The following INTS7 variants were observed in gnomAD, a reference collection of about 807,000 sequenced individuals.
The protein encoded by INTS7 is integrator complex subunit 7, also known as chromosome 1 open reading frame 73.
A neutral mutation model predicts 109.2 loss-of-function variants in INTS7; 46 were observed. The observed-to-expected ratio is 0.42, with a 90% CI of 0.33 to 0.54. The LOEUF (loss-of-function observed/expected upper bound fraction) is 0.54, where lower values mean the gene tolerates loss of function less well. INTS7 is among the 20% of genes least tolerant of loss of function. The pLI is 0.07. For missense variants in INTS7, 929 were observed against 1,132.4 expected, an observed-to-expected ratio of 0.82 and a Z score of 2.58; for synonymous variants, 412 against 402.9, an observed-to-expected ratio of 1.02 and a Z score of -0.27.
At chr1:211,991,981 A>G (rs1216654037) in intron 7 of INTS7, among the ~76,000 whole-genome samples, 1 of 152,274 alleles carries the variant, frequency 6.6e-6, no homozygotes, top group Admixed American at 6.5e-5. Flanking sequence ...AGTGTATGAA[A>G]GAAAGAGCAG....
In INTS7 at chr1:211,978,452, T is replaced by A. The variant is rs776043915; in HGVS notation, c.1290A>T (p.Val430=). 1 of 1,614,234 alleles carries A rather than the reference T, an allele frequency of 6.2e-7. No individual in the cohort carries two copies. Among genetic ancestry groups the A allele is most frequent in the Non-Finnish European group, 8.5e-7 (1 of 1,180,046 alleles). The change falls in exon 11 of 20, where the codon GTA becomes GTT. Residue 430 remains valine, a synonymous_variant. Transcript: ENST00000366994. ...AKGRPHLSQS[V]VETLLTQLHS... is the part of the protein sequence containing the mutation. The stretch of plus-strand genomic sequence containing the variant: ...GCAATTGAGTCAACAAGGTCTCAAC[T>A]ACTGACTGGCTAAGATGGGGCCTGC...
At chr1:212,023,628 T>C (rs1666800956) in intron 1 of INTS7, among the ~76,000 whole-genome samples, 1 of 151,802 alleles carries the variant, frequency 6.6e-6, no homozygotes, top group African/African-American at 2.4e-5. Flanking sequence ...AAGTTCCTTA[T>C]AGACTCTAGA....
chr1:212,020,151 AT>A lies in INTS7; in HGVS notation c.341del (p.Asn114MetfsTer19). 1 of 1,607,726 alleles carries A rather than the reference AT, an allele frequency of 6.2e-7. No individual in the cohort carries two copies. Among genetic ancestry groups the A allele is most frequent in the African/African-American group, 1.3e-5 (1 of 74,828 alleles). ...GGGTGATGGCTCTTGCCACAGGATC[AT>A]TACTATGAATCACAGAAAAAATTCT... is the stretch of plus-strand genomic sequence containing the variant. ...VKRIFSVIHSNDPVARAITLR... is the reference protein window; with the variant it reads ...VKRIFSVIHSXDPVARAITLR... On this transcript the variant is annotated frameshift_variant, in exon 3 of 20. Coordinates refer to ENST00000366994, the MANE Select transcript of INTS7 (RefSeq NM_015434.4). LOFTEE classifies it high-confidence loss of function.
chr1:211,969,551 CTTTTTTTTT>C (rs36104773), intron 13 of INTS7, among the ~76,000 whole-genome samples: 2 of 85,018 alleles, frequency 2.4e-5, no homozygotes, highest in Middle Eastern at 7.7e-3. Context: ...TTTTTCTTTT[CTTTTTTTTT>C]TTTTTTTTTT....
At chr1:211,975,144 A>G in intron 13 of INTS7, 22 bp downstream of exon 13, 1 of 1,523,766 alleles carries the variant, frequency 6.6e-7, no homozygotes, top group South Asian at 1.1e-5. Context: ...ATCACCACCA[A>G]AGGTGAATTA....
intron 1 of INTS7, among the ~76,000 whole-genome samples, chr1:212,021,434 A>G (rs1468023421): frequency 6.6e-6 from 1 of 152,170 alleles, no homozygotes; most frequent in Non-Finnish European, 1.5e-5. Context: ...AAATTTTTTA[A>G]AGGTAAGAGT....
In INTS7 at chr1:211,942,589, G is replaced by T. The variant is rs916190417; in HGVS notation, c.2602-478C>A. Among the ~76,000 whole-genome samples, 1 of 152,164 alleles carries T rather than the reference G, an allele frequency of 6.6e-6. No homozygotes were observed. Among genetic ancestry groups the T allele is most frequent in the Non-Finnish European group, 1.5e-5 (1 of 68,038 alleles). ...AGAACAAAACACTAAGCAAATTTAA[G>T]TTAGGTTCCCCCCCAACAGTTAGTC... On this transcript the variant is annotated intron_variant, in intron 19 of 19. Coordinates refer to ENST00000366994, the MANE Select transcript of INTS7 (RefSeq NM_015434.4). The surrounding 1 kb of genome is among the most constrained non-coding windows in gnomAD (Gnocchi z 4.2).
chr1:212,015,044 G>T (rs904831397), intron 4 of INTS7, among the ~76,000 whole-genome samples: 7 of 151,914 alleles, frequency 4.6e-5, no homozygotes, highest in African/African-American at 1.7e-4. Flanking sequence ...CCATCTGGGA[G>T]GTGAGGAGCG....
chr1:212,003,002 G>A (rs975309019), intron 7 of INTS7, among the ~76,000 whole-genome samples: 2 of 152,058 alleles, frequency 1.3e-5, no homozygotes. Context: ...ACATATATAA[G>A]AAGAAATTAC....
At chr1:212,022,287 C>T (rs1666741648) in intron 1 of INTS7, among the ~76,000 whole-genome samples, 1 of 152,066 alleles carries the variant, frequency 6.6e-6, no homozygotes, top group Non-Finnish European at 1.5e-5. Context: ...AAGGCATAAA[C>T]CATAAAATAA....
chr1:212,003,842 C>G (rs1319523033), intron 7 of INTS7, among the ~76,000 whole-genome samples: 1 of 151,988 alleles, frequency 6.6e-6, no homozygotes, highest in Non-Finnish European at 1.5e-5. Flanking sequence ...CCAGACTAGT[C>G]AAGTCAAATG....
chr1:211,944,957 G>A lies in INTS7; in HGVS notation c.2428C>T (p.Pro810Ser). ...GGCTCTGCAGGATTCCGGGGCGATG[G>A]TGACAGAGCAAGCTGGAATGCCAAC... Reference protein sequence around the residue: ...QSTSIKLALSPSPRNPAEPIA... With the variant: ...QSTSIKLALSSSPRNPAEPIA... The change falls in exon 19 of 20, where the codon CCA (proline) becomes TCA (serine). Residue 810 changes from proline (P) to serine (S), a missense_variant. Physicochemically the swap from Pro to Ser is moderately conservative, Grantham distance 74. This residue lies in a region of INTS7 where 787 missense variants were observed against 901.1 expected (regional missense o/e 0.87). Coordinates refer to ENST00000366994, the MANE Select transcript of INTS7 (RefSeq NM_015434.4). 1 of 1,613,442 alleles carries A rather than the reference G, an allele frequency of 6.2e-7. No individual in the cohort carries two copies. Among genetic ancestry groups the A allele is most frequent in the Non-Finnish European group, 8.5e-7 (1 of 1,179,820 alleles).
intron 7 of INTS7, among the ~76,000 whole-genome samples, chr1:211,997,255 G>C (rs906086350): frequency 1.3e-4 from 19 of 151,884 alleles, no homozygotes; most frequent in African/African-American, 4.1e-4. Context: ...AAAAAAAAGA[G>C]AGAGATAGGC....
chr1:211,975,526 G>T (rs1023566665), intron 12 of INTS7, among the ~76,000 whole-genome samples, 154 bp from the exon 13 acceptor site: 4 of 152,182 alleles, frequency 2.6e-5, no homozygotes, highest in African/African-American at 9.6e-5. Flanking sequence ...CTGAGACTCT[G>T]TCTAAATATT....
intron 1 of INTS7, among the ~76,000 whole-genome samples, chr1:212,022,219 A>C (rs1305342335): frequency 6.6e-6 from 1 of 152,250 alleles, no homozygotes; most frequent in Non-Finnish European, 1.5e-5. Context: ...ATGTAGAAGA[A>C]GACATAGAGA....
rs1304673762 is a variant in INTS7, at chr1:211,946,212, G to C, written c.2415+395C>G. ...CAAAACCAAAGGTAAGCCAGGCACAGTGGCTCATGCCTGTAATCCCAGCAC... is the reference window on the plus strand; with the variant it reads ...CAAAACCAAAGGTAAGCCAGGCACACTGGCTCATGCCTGTAATCCCAGCAC... On this transcript the variant is annotated intron_variant, in intron 18 of 19. Coordinates refer to ENST00000366994, the MANE Select transcript of INTS7 (RefSeq NM_015434.4). This position sits in a 1 kb window ranked among gnomAD's most constrained non-coding sequence, Gnocchi z 4.3. Among the ~76,000 whole-genome samples, 1 of 152,266 alleles carries C rather than the reference G, an allele frequency of 6.6e-6. No individual in the cohort carries two copies. The highest frequency in any genetic ancestry group is 1.5e-5 in the Non-Finnish European group (1 of 68,050).
intron 5 of INTS7, among the ~76,000 whole-genome samples, chr1:212,010,354 G>A (rs1353424891): frequency 6.6e-6 from 1 of 152,158 alleles, no homozygotes; most frequent in African/African-American, 2.4e-5. Flanking sequence ...CTGTTGTAAG[G>A]ATAAATAGGG....
intron 1 of INTS7, among the ~76,000 whole-genome samples, chr1:212,030,182 T>G (rs1030349468): frequency 3.3e-5 from 5 of 152,188 alleles, no homozygotes; most frequent in African/African-American, 1.2e-4. Flanking sequence ...AAAACTTGAA[T>G]TTTTGGATTA....
At position 211,946,557 on chromosome 1, in the gene INTS7, G is replaced by A; in HGVS notation, c.2415+50C>T. On this transcript the variant is annotated intron_variant, in intron 18 of 19. Coordinates refer to ENST00000366994, the MANE Select transcript of INTS7 (RefSeq NM_015434.4). This position sits in a 1 kb window ranked among gnomAD's most constrained non-coding sequence, Gnocchi z 4.3. Reference sequence around the variant, plus strand: ...GCTATGTCCTACATAATCTTCAGAAGACACCTGGTTTTAAAACCTATATTA... The same window carrying A: ...GCTATGTCCTACATAATCTTCAGAAAACACCTGGTTTTAAAACCTATATTA... 1.9e-6 allele frequency: 2 copies of A among 1,059,762 alleles called. No individual in the cohort carries two copies. Among genetic ancestry groups the A allele is most frequent in the East Asian group, 2.4e-5 (1 of 42,046 alleles). 65.6% of individuals were successfully genotyped at this position (1,059,762 alleles called of 1,614,324 possible).
Sources: gnomAD v4.1 joint callset for allele counts (sites outside exome capture counted in the v4.1 genomes callset) on GRCh38, gnomAD v4.1.1 for gene constraint, gnomAD v4.1.1 regional missense constraint, Gnocchi (gnomAD v3.1) non-coding constraint, MANE v1.5 for transcripts, NCBI Gene and HGNC (gene_info 2026-07-23, HGNC 2026-07-21) for gene names.